AKAP7: variants seen among roughly 807,000 people sequenced by gnomAD.
AKAP7 encodes A-kinase anchoring protein 7, also known as A kinase (PRKA) anchor protein 7.
AKAP7 carries 39 observed loss-of-function variants against 39.5 expected under a neutral mutation model. The observed-to-expected ratio is 0.99, with a 90% CI of 0.76 to 1.29. The LOEUF (loss-of-function observed/expected upper bound fraction) is 1.29. Ranked by LOEUF, AKAP7 falls within the 50% of genes most tolerant of loss-of-function variation. AKAP7 has a pLI of 0.00. For missense variants in AKAP7, 414 were observed against 407.7 expected (o/e 1.02, Z -0.13); for synonymous variants, 140 against 139.1 (o/e 1.01, Z -0.05).
intron 5 of AKAP7, among the ~76,000 whole-genome samples, chr6:131,188,496 C>G (rs1377246215): frequency 6.9e-6 from 1 of 144,710 alleles, no homozygotes; most frequent in Admixed American, 6.7e-5. Flanking sequence ...ATGGAAAATA[C>G]TCATGCTTGC....
At chr6:131,209,467 GTCTGGATCTCCTGACCTTGTGAT>G (rs1483727584) in intron 6 of AKAP7, among the ~76,000 whole-genome samples, 1 of 152,032 alleles carries the variant, frequency 6.6e-6, no homozygotes, top group African/African-American at 2.4e-5. Flanking sequence ...AGCCAGGATG[GTCTGGATCTCCTGACCTTGTGAT>G]CCACCCGCCT....
At chr6:131,172,629 C>T (rs750607521) in intron 5 of AKAP7, among the ~76,000 whole-genome samples, 1 of 152,254 alleles carries the variant, frequency 6.6e-6, no homozygotes, top group Admixed American at 6.5e-5. Flanking sequence ...TGCCCAGCCC[C>T]TCCTTTCTTT....
At chr6:131,127,536 G>C in the AKAP7 span, among the ~76,000 whole-genome samples, 1 of 152,120 alleles carries the variant, frequency 6.6e-6, no homozygotes, top group Non-Finnish European at 1.5e-5. Context: ...TAAATCATTA[G>C]AGCAAAGAAA....
intron 7 of AKAP7, among the ~76,000 whole-genome samples, chr6:131,248,063 A>C (rs1245820135): frequency 6.6e-6 from 1 of 152,156 alleles, no homozygotes; most frequent in Non-Finnish European, 1.5e-5. Flanking sequence ...TTTTGTTTGG[A>C]GGCCAGATAT....
intron 7 of AKAP7, among the ~76,000 whole-genome samples, chr6:131,261,262 A>G (rs1286180440): frequency 6.6e-6 from 1 of 152,058 alleles, no homozygotes; most frequent in Non-Finnish European, 1.5e-5. Context: ...ACCAACAAAT[A>G]TGCTTTAAGA....
intron 2 of AKAP7, among the ~76,000 whole-genome samples, chr6:131,156,822 G>T (rs1802458425): frequency 6.6e-6 from 1 of 151,618 alleles, no homozygotes; most frequent in Non-Finnish European, 1.5e-5. Context: ...ACCCAGGCTG[G>T]AGTGTGCAGT....
chr6:131,249,944 G>A (rs1229660814), intron 7 of AKAP7, among the ~76,000 whole-genome samples: 1 of 151,324 alleles, frequency 6.6e-6, no homozygotes, highest in Non-Finnish European at 1.5e-5. Context: ...GATAACAGTC[G>A]ATAGCCTCTT....
At chr6:131,197,217 A>G (rs1398694331) in intron 5 of AKAP7, among the ~76,000 whole-genome samples, 1 of 152,170 alleles carries the variant, frequency 6.6e-6, no homozygotes, top group Non-Finnish European at 1.5e-5. Context: ...TTTATCAACC[A>G]TTTATTTATT....
chr6:131,272,660 A>C (rs1294027543), intron 7 of AKAP7, among the ~76,000 whole-genome samples: 3 of 152,182 alleles, frequency 2.0e-5, no homozygotes, highest in Admixed American at 2.0e-4. Context: ...AAGGATTCTC[A>C]GGGTATCTTT....
At chr6:131,184,764 T>C in intron 5 of AKAP7, 1 of 1,138,726 alleles carries the variant, frequency 8.8e-7, no homozygotes, top group African/African-American at 1.5e-5. Context: ...GAGTGGGTGG[T>C]TGGGAGTCTT....
intron 2 of AKAP7, among the ~76,000 whole-genome samples, chr6:131,148,963 G>A (rs566895331): frequency 9.9e-5 from 15 of 152,266 alleles, no homozygotes; most frequent in South Asian, 2.1e-4. Flanking sequence ...TGGAAATTGC[G>A]AGTTAACTGC....
At chr6:131,184,758 G>T in intron 5 of AKAP7, 1 of 1,073,252 alleles carries the variant, frequency 9.3e-7, no homozygotes, top group Non-Finnish European at 1.5e-6. Flanking sequence ...AAACAGGAGT[G>T]GGTGGTTGGG....
At chr6:131,145,217 C>T in intron 1 of AKAP7, 68 bp from the exon 2 acceptor site, 1 of 1,100,734 alleles carries the variant, frequency 9.1e-7, no homozygotes. Flanking sequence ...GAGTTATTTT[C>T]ATTTAGGATA....
In AKAP7 at chr6:131,149,710, C is replaced by T. The variant is rs192112935; in HGVS notation, c.151+4294C>T. ...CACCTTTGGCTCCATAGGGTGGACA[C>T]GTTTTAGGAGAAAATCCAGCTTAGT... On this transcript the variant is annotated intron_variant, in intron 2 of 7. Transcript: ENST00000431975. 2.7e-3 allele frequency among the ~76,000 whole-genome samples: 406 copies of T among 152,276 alleles called. 3 individuals are homozygous for T. The highest frequency in any genetic ancestry group is 4.4e-3 in the South Asian group (21 of 4,820).
At chr6:131,134,903 G>T (rs1800418094), upstream of AKAP7, among the ~76,000 whole-genome samples, 1 of 152,114 alleles carries the variant, frequency 6.6e-6, no homozygotes, top group Non-Finnish European at 1.5e-5. Context: ...TCAAGTGAAA[G>T]GTTTTTATTT....
chr6:131,155,275 A>G (rs1802321804), intron 2 of AKAP7, among the ~76,000 whole-genome samples: 1 of 152,188 alleles, frequency 6.6e-6, no homozygotes, highest in African/African-American at 2.4e-5. Flanking sequence ...AGGTCTCACA[A>G]AGTGCTAAGA....
At chr6:131,192,299 C>G (rs1806490053) in intron 5 of AKAP7, among the ~76,000 whole-genome samples, 1 of 152,114 alleles carries the variant, frequency 6.6e-6, no homozygotes, top group South Asian at 2.1e-4. Flanking sequence ...TTTCATTCTT[C>G]TGCATGTGGA....
At chr6:131,161,244 G>T (rs955474378) in intron 3 of AKAP7, among the ~76,000 whole-genome samples, 5 of 152,148 alleles carry the variant, frequency 3.3e-5, no homozygotes, top group Non-Finnish European at 5.9e-5. Context: ...CATAACAAGA[G>T]AAGAGTTACC....
At chr6:131,133,781 A>C (rs140073393), upstream of AKAP7, among the ~76,000 whole-genome samples, 1 of 152,368 alleles carries the variant, frequency 6.6e-6, no homozygotes, top group African/African-American at 2.4e-5. Flanking sequence ...AAGAACTAAA[A>C]GCCCGAAGAG....
Sources: gnomAD v4.1 joint callset for allele counts (sites outside exome capture counted in the v4.1 genomes callset) on GRCh38, gnomAD v4.1.1 for gene constraint, MANE v1.5 for transcripts, NCBI Gene and HGNC (gene_info 2026-07-23, HGNC 2026-07-21) for gene names.